Variants in ZFYVE9 observed in about 807,000 individuals in gnomAD.
ZFYVE9 encodes the protein zinc finger FYVE-type containing 9, also known as zinc finger FYVE domain-containing protein 9.
ZFYVE9 carries 43 observed loss-of-function variants against 126.7 expected under a neutral mutation model. That is an observed-to-expected ratio of 0.34 (90% CI 0.27 to 0.44). The LOEUF (loss-of-function observed/expected upper bound fraction) is 0.44. ZFYVE9 is among the 20% of genes least tolerant of loss of function. The pLI is 1.00. For missense variants in ZFYVE9, 1,476 were observed against 1,697.0 expected, an observed-to-expected ratio of 0.87 and a Z score of 2.29; for synonymous variants, 521 against 597.4, an observed-to-expected ratio of 0.87 and a Z score of 1.87.
chr1:52,296,386 A>G (rs1456570398), intron 12 of ZFYVE9, among the ~76,000 whole-genome samples: 1 of 151,964 alleles, frequency 6.6e-6, no homozygotes, highest in African/African-American at 2.4e-5. Flanking sequence ...TATATAGGTT[A>G]TTATCCAAGC....
chr1:52,255,090 C>CA (rs564246034), intron 4 of ZFYVE9, among the ~76,000 whole-genome samples: 2,023 of 61,654 alleles, frequency 0.033, 36 homozygotes, highest in African/African-American at 0.095. Flanking sequence ...GACCATGTCT[C>CA]AAAAAAAAAA....
At chr1:52,340,978 A>C (rs6588427) in intron 17 of ZFYVE9, among the ~76,000 whole-genome samples, 1 of 151,232 alleles carries the variant, frequency 6.6e-6, no homozygotes, top group African/African-American at 2.4e-5. Flanking sequence ...CAGCACTTTG[A>C]GGGAGACCAA....
rs562492376 is a variant in ZFYVE9, at chr1:52,310,810, G to A, written c.3438+6885G>A. Among the ~76,000 whole-genome samples, 19 of 152,286 alleles carry A rather than the reference G, an allele frequency of 1.2e-4. No individual in the cohort carries two copies. The South Asian group carries it at 3.3e-3, about 27-fold the overall frequency. ...CTTAAATACTGAAGTCTCATGGAAC[G>A]GTAGAACTAAAATTACCTCTGGGGC... is the stretch of plus-strand genomic sequence containing the variant. On this transcript the variant is annotated intron_variant, in intron 13 of 18. Transcript: ENST00000287727.
chr1:52,260,386 T>C (rs1263218356), intron 4 of ZFYVE9, among the ~76,000 whole-genome samples: 1 of 152,212 alleles, frequency 6.6e-6, no homozygotes, highest in Non-Finnish European at 1.5e-5. Context: ...AGCTCATGTT[T>C]TTATCATAAA....
chr1:52,329,156 C>T lies in ZFYVE9; in HGVS notation c.3439-3612C>T, dbSNP rs188434945. ...TGATCTACAAATGATTCATTGCAAG[C>T]CGTATCAAAATTTCAATGGCCTTTT... On this transcript the variant is annotated intron_variant, in intron 13 of 18. Transcript: ENST00000287727. Among the ~76,000 whole-genome samples the T allele has an allele frequency of 9.9e-5, 15 of 152,272 alleles. No individual in the cohort carries two copies. In the East Asian group the frequency reaches 2.5e-3, roughly 25 times the overall value.
chr1:52,297,356 G>T (rs1285217768), intron 12 of ZFYVE9, among the ~76,000 whole-genome samples: 1 of 150,852 alleles, frequency 6.6e-6, no homozygotes, highest in East Asian at 2.0e-4. Context: ...TCCTGCTTCA[G>T]CCTTCAGAGC....
rs71579908 is a variant in ZFYVE9 at position 52,157,394 on chromosome 1, C to CTTTTTTTTTTTTTT, written c.-143+15002_-143+15015dup. On this transcript the variant is annotated intron_variant, in intron 1 of 18. Coordinates refer to ENST00000287727, the MANE Select transcript of ZFYVE9 (RefSeq NM_004799.4). Reference sequence around the variant, plus strand: ...TTTTTTCCTTATGGCACCATATTCTCTTTTTTTTTTTTTTTTTTTTTTTTG... The same window carrying CTTTTTTTTTTTTTT: ...TTTTTTCCTTATGGCACCATATTCTCTTTTTTTTTTTTTTTTTTTTTTTTTTTTTTTTTTTTTTG... Among the ~76,000 whole-genome samples the CTTTTTTTTTTTTTT allele has an allele frequency of 6.8e-5, 4 of 58,464 alleles. 1 individual carries two copies. Among genetic ancestry groups the CTTTTTTTTTTTTTT allele is most frequent in the Admixed American group, 6.6e-4 (2 of 3,024 alleles). The allele number at this position is 58,464 out of a possible 152,430, so 38.4% of individuals were successfully genotyped here. A position where few individuals can be genotyped will look rare whatever the true frequency, so the allele number is the denominator to read the frequency against.
Position 52,233,206 on chromosome 1 carries a change from G to A in ZFYVE9, c.-1G>A, listed in dbSNP as rs779234117. 12 of 1,573,272 alleles carry A rather than the reference G, an allele frequency of 7.6e-6. No homozygotes were observed. The highest frequency in any genetic ancestry group is 4.6e-5 in the East Asian group (2 of 43,794). ...GTCTCTTAAGTGGTGTTTCCTCACC[G>A]ATGGAGAATTACTTCCAAGCAGAAG... On this transcript the variant is annotated 5_prime_UTR_variant, in exon 3 of 19. Coordinates refer to ENST00000287727, the MANE Select transcript of ZFYVE9 (RefSeq NM_004799.4).
At chr1:52,315,954 T>G (rs1014854030) in intron 13 of ZFYVE9, among the ~76,000 whole-genome samples, 4 of 151,598 alleles carry the variant, frequency 2.6e-5, no homozygotes, top group Non-Finnish European at 5.9e-5. Flanking sequence ...TCACTTGAGG[T>G]CAGGAGTTCG....
chr1:52,222,863 T>A (rs141562982), intron 2 of ZFYVE9, among the ~76,000 whole-genome samples: 1,879 of 152,320 alleles, frequency 0.012, 34 homozygotes, highest in African/African-American at 0.043. Context: ...TAACATTAAG[T>A]CCCTTCCTAA....
At chr1:52,206,770 G>A (rs182098068) in intron 1 of ZFYVE9, among the ~76,000 whole-genome samples, 21 of 152,206 alleles carry the variant, frequency 1.4e-4, no homozygotes, top group African/African-American at 3.9e-4. Flanking sequence ...GGCTCTTCTC[G>A]AACTCCTGAC....
At chr1:52,163,383 G>A (rs1261811240) in intron 1 of ZFYVE9, among the ~76,000 whole-genome samples, 1 of 152,230 alleles carries the variant, frequency 6.6e-6, no homozygotes, top group East Asian at 1.9e-4. Flanking sequence ...AGGGCCAATG[G>A]CCTAATCAAC....
At chr1:52,285,776 C>A (rs969839538) in intron 10 of ZFYVE9, among the ~76,000 whole-genome samples, 1 of 152,056 alleles carries the variant, frequency 6.6e-6, no homozygotes, top group South Asian at 2.1e-4. Context: ...ATCCTGAAAC[C>A]GTCTCCCCTT....
intron 13 of ZFYVE9, among the ~76,000 whole-genome samples, chr1:52,330,595 T>C (rs563389880): frequency 3.3e-4 from 50 of 152,314 alleles, no homozygotes; most frequent in African/African-American, 1.1e-3. Flanking sequence ...GGGAGCGTCA[T>C]TTAGCATGCT....
At chr1:52,168,007 T>G (rs955701326) in intron 1 of ZFYVE9, among the ~76,000 whole-genome samples, 1 of 152,184 alleles carries the variant, frequency 6.6e-6, no homozygotes, top group Non-Finnish European at 1.5e-5. Context: ...TATAGTATTA[T>G]ATGCATTTTG....
chr1:52,275,953 G>T (rs1645744455), intron 8 of ZFYVE9, among the ~76,000 whole-genome samples: 1 of 145,300 alleles, frequency 6.9e-6, no homozygotes, highest in Admixed American at 7.0e-5. Context: ...CTGTCGCCAG[G>T]CTGGAGTGCA....
At chr1:52,221,063 A>G (rs555273774) in intron 2 of ZFYVE9, among the ~76,000 whole-genome samples, 1 of 152,304 alleles carries the variant, frequency 6.6e-6, no homozygotes, top group Admixed American at 6.5e-5. Flanking sequence ...GATTTTTCCA[A>G]AGGTATGGAC....
chr1:52,212,193 G>A (rs1464342582), intron 1 of ZFYVE9, among the ~76,000 whole-genome samples: 1 of 152,120 alleles, frequency 6.6e-6, no homozygotes, highest in Non-Finnish European at 1.5e-5. Context: ...TGCCCAGGCT[G>A]GAGTGCAGTG....
Position 52,337,767 on chromosome 1 carries a change from C to T in ZFYVE9, c.3671-5C>T, listed in dbSNP as rs763963203. ...CCTCTCCTTTGGCTTTGTACTGATT[C>T]TTAGATGGTGTTATGGTCCAGATTA... On this transcript the variant is annotated splice_region_variant and splice_polypyrimidine_tract_variant and intron_variant, in intron 15 of 18. Transcript: ENST00000287727. The T allele has an allele frequency of 3.2e-5, 51 of 1,613,828 alleles. No homozygotes were observed. The highest frequency in any genetic ancestry group is 4.0e-5 in the African/African-American group (3 of 75,030).
Sources: allele counts gnomAD v4.1 joint callset (sites outside exome capture counted in the v4.1 genomes callset), GRCh38; gene constraint gnomAD v4.1.1; transcripts MANE v1.5; gene names NCBI Gene and HGNC (gene_info 2026-07-23, HGNC 2026-07-21).